TNRC6B: variants seen among roughly 807,000 people sequenced by gnomAD.
TNRC6B encodes trinucleotide repeat containing adaptor 6B.
Under a neutral mutation model 203.6 loss-of-function variants are expected in TNRC6B, and 52 were observed. The observed-to-expected ratio is 0.26, with a 90% CI of 0.20 to 0.32. TNRC6B has a LOEUF of 0.32. Among genes scored for constraint, TNRC6B ranks in the 10% least tolerant of loss-of-function variants. The pLI, the probability that TNRC6B is intolerant of heterozygous loss-of-function variation, is 1.00. For missense variants in TNRC6B, 1,923 were observed against 2,286.2 expected (o/e 0.84, Z 3.24); for synonymous variants, 838 against 845.7 (o/e 0.99, Z 0.16).
At chr22:40,253,687 A>C in intron 3 of TNRC6B, 1 of 456,462 alleles carries the variant, frequency 2.2e-6, no homozygotes. Context: ...AGCAAGTAAA[A>C]ATACCAGTTG....
Position 40,334,245 on chromosome 22 carries a change from G to C in TNRC6B, c.*11004G>C, listed in dbSNP as rs1191184548. ...CACACCAGTGACCAAAGTGTATGCAGTGATCTCACAGAAGACATCAAAAAT... is the reference window on the plus strand; with the variant it reads ...CACACCAGTGACCAAAGTGTATGCACTGATCTCACAGAAGACATCAAAAAT... On this transcript the variant is annotated 3_prime_UTR_variant, in exon 23 of 23. Coordinates refer to ENST00000454349, the MANE Select transcript of TNRC6B (RefSeq NM_001162501.2). 6.6e-6 allele frequency: 1 copy of C among 152,654 alleles called. No individual in the cohort carries two copies. Among genetic ancestry groups the C allele is most frequent in the Non-Finnish European group, 1.5e-5 (1 of 68,086 alleles). 9.5% of individuals were successfully genotyped at this position (152,654 alleles called of 1,614,324 possible).
chr22:40,214,355 G>T (rs1463861900), intron 1 of TNRC6B, among the ~76,000 whole-genome samples: 1 of 152,070 alleles, frequency 6.6e-6, no homozygotes, highest in Non-Finnish European at 1.5e-5. Flanking sequence ...TTGGTTATAA[G>T]TTGTATAGAA....
chr22:40,321,169 C>G lies in TNRC6B; in HGVS notation c.5054C>G (p.Thr1685Ser), dbSNP rs368916872. Reference protein sequence around the residue: ...LTFHLNLTQGTALIRYSTKQE... With the variant: ...LTFHLNLTQGSALIRYSTKQE... ...TTCCATCTGAATCTAACCCAGGGCA[C>G]TGCCCTGATCCGATACAGCACCAAA... Residue 1685 changes from threonine (T) to serine (S), a missense_variant, in exon 22 of 23, where the codon ACT becomes AGT. By Grantham distance (58) the Thr-to-Ser change is moderately conservative. Coordinates refer to ENST00000454349, the MANE Select transcript of TNRC6B (RefSeq NM_001162501.2). The G allele has an allele frequency of 7.4e-6, 12 of 1,613,870 alleles. No homozygotes were observed. Among genetic ancestry groups the G allele is most frequent in the Admixed American group, 1.7e-5 (1 of 60,016 alleles).
intron 3 of TNRC6B, among the ~76,000 whole-genome samples, chr22:40,134,796 C>T (rs1245535581): frequency 6.6e-6 from 1 of 152,208 alleles, no homozygotes; most frequent in African/African-American, 2.4e-5. Flanking sequence ...GCAGAAACTG[C>T]ATCCGGATAA....
intron 3 of TNRC6B, among the ~76,000 whole-genome samples, chr22:40,137,751 A>G (rs551752193): frequency 6.6e-6 from 1 of 152,262 alleles, no homozygotes; most frequent in South Asian, 2.1e-4. Context: ...TGGGAGGCCG[A>G]GGCGGGTGGA....
At chr22:40,250,271 T>C (rs985200329) in intron 2 of TNRC6B, among the ~76,000 whole-genome samples, 1 of 152,188 alleles carries the variant, frequency 6.6e-6, no homozygotes, top group Admixed American at 6.5e-5. Flanking sequence ...TGCATCACCT[T>C]TGTGGTTTTA....
intron 3 of TNRC6B, among the ~76,000 whole-genome samples, chr22:40,258,437 G>A (rs2070318886): frequency 6.6e-6 from 1 of 152,008 alleles, no homozygotes; most frequent in African/African-American, 2.4e-5. Context: ...AATTAGTGCC[G>A]GCAATTCTGG....
intron 1 of TNRC6B, among the ~76,000 whole-genome samples, chr22:40,237,141 G>T (rs1306551228): frequency 6.6e-6 from 1 of 152,144 alleles, no homozygotes; most frequent in Non-Finnish European, 1.5e-5. Flanking sequence ...CTCGGGAGAT[G>T]GCGTGAGACT....
chr22:40,302,700 G>A (rs2071039140), intron 15 of TNRC6B, among the ~76,000 whole-genome samples: 6 of 151,884 alleles, frequency 4.0e-5, no homozygotes, highest in Admixed American at 3.9e-4. Flanking sequence ...GTGTGACCCT[G>A]GACAAATGGC....
intron 3 of TNRC6B, among the ~76,000 whole-genome samples, chr22:40,258,794 C>T (rs920731960): frequency 6.6e-6 from 1 of 152,186 alleles, no homozygotes; most frequent in Admixed American, 6.5e-5. Flanking sequence ...AGGAATCTTA[C>T]ATGATACGTG....
At chr22:40,056,362 A>G (rs2067795807) in intron 1 of TNRC6B, among the ~76,000 whole-genome samples, 1 of 152,264 alleles carries the variant, frequency 6.6e-6, no homozygotes, top group Non-Finnish European at 1.5e-5. Flanking sequence ...TTTGATCTAC[A>G]TAACAAAGGG....
intron 1 of TNRC6B, among the ~76,000 whole-genome samples, chr22:40,111,205 C>T (rs866004009): frequency 1.2e-4 from 19 of 152,188 alleles, no homozygotes; most frequent in African/African-American, 4.1e-4. Flanking sequence ...GCAAACAGCA[C>T]GTTCAACGGC....
chr22:40,324,342 A>G lies in TNRC6B; in HGVS notation c.*1101A>G, dbSNP rs1004216550. 2 of 151,838 alleles carry G rather than the reference A, an allele frequency of 1.3e-5. No individual in the cohort carries two copies. Among genetic ancestry groups the G allele is most frequent in the South Asian group, 2.1e-4 (1 of 4,814 alleles). 9.4% of individuals were successfully genotyped at this position (151,838 alleles called of 1,614,324 possible). A position where few individuals can be genotyped will look rare whatever the true frequency, so the allele number is the denominator to read the frequency against. On this transcript the variant is annotated 3_prime_UTR_variant, in exon 23 of 23. Coordinates refer to ENST00000454349, the MANE Select transcript of TNRC6B (RefSeq NM_001162501.2). ...CACCAGGCACATCTGAGTATCTGTT[A>G]AGTTTCATGCAGGCCTTTTCGTTAG...
chr22:40,306,714 G>A (rs759752831), intron 15 of TNRC6B, among the ~76,000 whole-genome samples: 11 of 152,146 alleles, frequency 7.2e-5, no homozygotes, highest in East Asian at 1.9e-4. Flanking sequence ...GGCCAGGCAC[G>A]GTGGCTCATG....
chr22:40,148,428 C>T (rs372433336), intron 3 of TNRC6B, among the ~76,000 whole-genome samples: 18 of 151,860 alleles, frequency 1.2e-4, no homozygotes, highest in East Asian at 1.9e-4. Flanking sequence ...GGATTACAGG[C>T]GCCTGCCACC....
At chr22:40,300,878 T>A (rs1369235338) in intron 13 of TNRC6B, 32 bp from the exon 14 acceptor site, 1 of 1,599,320 alleles carries the variant, frequency 6.3e-7, no homozygotes, top group South Asian at 1.1e-5. Context: ...TCAGGAAACT[T>A]TGGTTTTCTG....
chr22:40,168,493 T>A (rs1311162813), intron 4 of TNRC6B, among the ~76,000 whole-genome samples: 1 of 152,180 alleles, frequency 6.6e-6, no homozygotes, highest in African/African-American at 2.4e-5. Flanking sequence ...ATTTAACTTT[T>A]GAGGTTCAAT....
chr22:40,152,714 G>A (rs960996826), intron 3 of TNRC6B, among the ~76,000 whole-genome samples: 29 of 151,908 alleles, frequency 1.9e-4, no homozygotes, highest in Non-Finnish European at 2.2e-4. Flanking sequence ...CTTGTGATCC[G>A]CCTGCCTCAG....
At position 40,049,227 on chromosome 22, in the gene TNRC6B, C is replaced by G. The variant is rs544425287; in HGVS notation, c.-121+4229C>G. Reference sequence around the variant, plus strand: ...GTTAGCCAGGATGGTCTCGAACTCCCGACCTTAGGGATTTCACCATGTTGG... The same window carrying G: ...GTTAGCCAGGATGGTCTCGAACTCCGGACCTTAGGGATTTCACCATGTTGG... On this transcript the variant is annotated intron_variant, in intron 1 of 23. Transcript: ENST00000301923. 5.3e-5 allele frequency among the ~76,000 whole-genome samples: 8 copies of G among 152,040 alleles called. No homozygotes were observed. In the South Asian group the frequency reaches 1.7e-3, roughly 32 times the overall value.
Sources: gnomAD v4.1 joint callset for allele counts (sites outside exome capture counted in the v4.1 genomes callset) on GRCh38, gnomAD v4.1.1 for gene constraint, MANE v1.5 for transcripts, NCBI Gene and HGNC (gene_info 2026-07-23, HGNC 2026-07-21) for gene names.